The following CDH4 variants were observed in gnomAD, a reference collection of about 807,000 sequenced individuals.
CDH4 encodes cadherin-4.
In CDH4, 33 loss-of-function variants were observed where a neutral mutation model predicts 86.0. The observed-to-expected ratio is 0.38, with a 90% CI of 0.29 to 0.51. The LOEUF (loss-of-function observed/expected upper bound fraction) is 0.51, where lower values mean the gene tolerates loss of function less well. CDH4 is among the 20% of genes least tolerant of loss of function. The probability of loss-of-function intolerance (pLI) is 0.86; values close to 1 mark genes in which losing one functional copy is unlikely to be tolerated. For missense variants in CDH4, 1,114 were observed against 1,307.4 expected (o/e 0.85, Z 2.28); for synonymous variants, 555 against 549.4 (o/e 1.01, Z -0.14).
At chr20:61,875,979 A>T (rs1984005379) in intron 7 of CDH4, among the ~76,000 whole-genome samples, 1 of 152,144 alleles carries the variant, frequency 6.6e-6, no homozygotes, top group Admixed American at 6.5e-5. Context: ...TCGTTTCCAC[A>T]GGCTGGCACC....
chr20:61,666,394 CGAA>C (rs2087324692), intron 2 of CDH4, among the ~76,000 whole-genome samples: 1 of 152,218 alleles, frequency 6.6e-6, no homozygotes, highest in South Asian at 2.1e-4. Context: ...CCCTGCAGCC[CGAA>C]GAAATCCACT....
intron 15 of CDH4, among the ~76,000 whole-genome samples, chr20:61,936,397 A>C (rs1368229969): frequency 9.4e-3 from 5 of 532 alleles, no homozygotes; most frequent in South Asian, 0.062. Context: ...CCTCCCCCAC[A>C]CCCCCTCCCC....
At chr20:61,591,648 G>A (rs533498998) in intron 2 of CDH4, among the ~76,000 whole-genome samples, 1 of 152,356 alleles carries the variant, frequency 6.6e-6, no homozygotes, top group Non-Finnish European at 1.5e-5. Context: ...GTTAGTTGCA[G>A]CATGAAAGCT....
chr20:61,664,012 G>A (rs373357807), intron 2 of CDH4, among the ~76,000 whole-genome samples: 31 of 152,296 alleles, frequency 2.0e-4, no homozygotes, highest in Middle Eastern at 6.8e-3. Flanking sequence ...ATGAAGACCA[G>A]GCCTGGTGAC....
At chr20:61,595,081 A>C (rs1469760353) in intron 2 of CDH4, among the ~76,000 whole-genome samples, 1 of 152,224 alleles carries the variant, frequency 6.6e-6, no homozygotes, top group Non-Finnish European at 1.5e-5. Context: ...GTCACATGTC[A>C]GGTCACGCAG....
chr20:61,448,072 C>G (rs181914424), intron 2 of CDH4, among the ~76,000 whole-genome samples: 15 of 152,318 alleles, frequency 9.8e-5, no homozygotes, highest in Admixed American at 8.5e-4. Flanking sequence ...CATACCTAAT[C>G]AAGGTAGAAA....
At chr20:61,522,979 C>T (rs2085883511) in intron 2 of CDH4, among the ~76,000 whole-genome samples, 1 of 152,216 alleles carries the variant, frequency 6.6e-6, no homozygotes, top group African/African-American at 2.4e-5. Context: ...CAGGATGTGG[C>T]CTGCAGACCA....
chr20:61,933,146 G>A (rs151230543), intron 14 of CDH4, 22 bp downstream of exon 14: 313 of 1,607,730 alleles, frequency 1.9e-4, no homozygotes, highest in Admixed American at 1.6e-3. Context: ...GCCCGCCCCC[G>A]CCTCCCCACG....
chr20:61,833,615 CA>C (rs34555005), intron 4 of CDH4, among the ~76,000 whole-genome samples: 65,088 of 151,860 alleles, frequency 0.43, 16,647 homozygotes, highest in Non-Finnish European at 0.58. Flanking sequence ...CATTACTAAG[CA>C]AGAGTACTCA....
intron 2 of CDH4, among the ~76,000 whole-genome samples, chr20:61,340,932 A>G (rs1236783343): frequency 6.6e-6 from 1 of 152,248 alleles, no homozygotes; most frequent in Non-Finnish European, 1.5e-5. Context: ...GCACAGTTTC[A>G]AAATGTGAAC....
chr20:61,910,433 G>T lies in CDH4; in HGVS notation c.1200G>T (p.Glu400Asp), dbSNP rs924042168. ...CTTCCATTTTGCAGTTTGCAGGGGA[G>T]GTCCCCGAAAACCGCGTGGAGACCG... ...PEFTASTFAG[E>D]VPENRVETVV... is the part of the protein sequence containing the mutation. Residue 400 changes from glutamate (E) to aspartate (D), a missense_variant, in exon 9 of 16, where the codon GAG becomes GAT. This residue lies in a region of CDH4 where 705 missense variants were observed against 914.1 expected (regional missense o/e 0.77). Transcript: ENST00000614565. 1.2e-6 allele frequency: 2 copies of T among 1,613,098 alleles called. No homozygotes were observed. The highest frequency in any genetic ancestry group is 1.7e-6 in the Non-Finnish European group (2 of 1,179,324).
In CDH4 at chr20:61,917,599, C is replaced by T. The variant is rs117296502; in HGVS notation, c.1375-5852C>T. ...CTTTGAATGGAAGCTCCTGAGCCTC[C>T]CATCGGAGGGGAGCAGGGCAGACGT... On this transcript the variant is annotated intron_variant, in intron 9 of 15. Coordinates refer to ENST00000614565, the MANE Select transcript of CDH4 (RefSeq NM_001794.5). 7.8e-3 allele frequency among the ~76,000 whole-genome samples: 1,194 copies of T among 152,318 alleles called. 15 individuals are homozygous for T. Among genetic ancestry groups the T allele is most frequent in the Non-Finnish European group, 0.011 (776 of 68,022 alleles).
At chr20:61,636,065 G>C (rs1480441399) in intron 2 of CDH4, among the ~76,000 whole-genome samples, 1 of 152,226 alleles carries the variant, frequency 6.6e-6, no homozygotes, top group African/African-American at 2.4e-5. Flanking sequence ...GAATGCGGGG[G>C]GCTCCACACG....
chr20:61,685,062 C>T (rs1057019716), intron 2 of CDH4, among the ~76,000 whole-genome samples: 4 of 152,126 alleles, frequency 2.6e-5, no homozygotes, highest in Non-Finnish European at 5.9e-5. Context: ...AGGGAAACCC[C>T]GTACCCATAA....
intron 2 of CDH4, among the ~76,000 whole-genome samples, chr20:61,384,271 A>C (rs543203365): frequency 6.6e-6 from 1 of 152,238 alleles, no homozygotes; most frequent in South Asian, 2.1e-4. Flanking sequence ...AGTATTAACC[A>C]TCACAGGTGG....
chr20:61,627,221 A>G (rs912120196), intron 2 of CDH4, among the ~76,000 whole-genome samples: 40 of 152,312 alleles, frequency 2.6e-4, no homozygotes, highest in African/African-American at 7.7e-4. Flanking sequence ...CAGTGGTTCA[A>G]GGTGAGCAAA....
chr20:61,505,457 C>T (rs1448130241), intron 2 of CDH4, among the ~76,000 whole-genome samples: 1 of 152,190 alleles, frequency 6.6e-6, no homozygotes, highest in Non-Finnish European at 1.5e-5. Flanking sequence ...GTCTTTGCAG[C>T]CTGTGATCTT....
chr20:61,570,866 T>C, intron 2 of CDH4: 1 of 686,972 alleles, frequency 1.5e-6, no homozygotes, highest in Non-Finnish European at 2.7e-6. Context: ...TTTGGATGTG[T>C]AGTGGCTGTT....
At chr20:61,823,321 T>C (rs6142685) in intron 4 of CDH4, among the ~76,000 whole-genome samples, 1 of 122,882 alleles carries the variant, frequency 8.1e-6, no homozygotes, top group Non-Finnish European at 1.8e-5. Flanking sequence ...GATGTTGGTG[T>C]TGATGGTGAT....
Sources: gnomAD v4.1 joint callset for allele counts (sites outside exome capture counted in the v4.1 genomes callset) on GRCh38, gnomAD v4.1.1 for gene constraint, gnomAD v4.1.1 regional missense constraint, MANE v1.5 for transcripts, NCBI Gene and HGNC (gene_info 2026-07-23, HGNC 2026-07-21) for gene names.